FAM222B: variants seen among roughly 807,000 people sequenced by gnomAD.
FAM222B encodes protein FAM222B.
A neutral mutation model predicts 38.0 loss-of-function variants in FAM222B; 12 were observed. The ratio of observed to expected loss-of-function variants is 0.32; its 90% confidence interval spans 0.20 to 0.51. The LOEUF is 0.51. Among genes scored for constraint, FAM222B ranks in the 20% least tolerant of loss-of-function variants. FAM222B has a pLI of 0.97. For missense variants in FAM222B, 716 were observed against 754.2 expected (o/e 0.95, Z 0.59); for synonymous variants, 329 against 317.2 (o/e 1.04, Z -0.40).
At chr17:28,835,995 TA>T (rs1195607633) in intron 1 of FAM222B, among the ~76,000 whole-genome samples, 15 of 146,612 alleles carry the variant, frequency 1.0e-4, no homozygotes. Flanking sequence ...TTATTTTTAT[TA>T]TATATTTTTT....
At chr17:28,773,979 CAAG>C (rs1355445812) in intron 1 of FAM222B, among the ~76,000 whole-genome samples, 2 of 151,996 alleles carry the variant, frequency 1.3e-5, no homozygotes, top group Non-Finnish European at 2.9e-5. Flanking sequence ...TGTGATGAAA[CAAG>C]AATGAAACAA....
chr17:28,762,380 C>G (rs1318517617), intron 2 of FAM222B, among the ~76,000 whole-genome samples: 1 of 152,152 alleles, frequency 6.6e-6, no homozygotes, highest in Admixed American at 6.5e-5. Context: ...GTAATCCTGG[C>G]ACTTTGGGAG....
chr17:28,787,981 C>T (rs981834867), intron 1 of FAM222B, among the ~76,000 whole-genome samples: 3 of 152,266 alleles, frequency 2.0e-5, no homozygotes, highest in Middle Eastern at 3.4e-3. Context: ...TGTGCCACCA[C>T]ACCCAGCTAA....
chr17:28,851,873 CA>C (rs35357029), intron 1 of FAM222B, among the ~76,000 whole-genome samples: 34,047 of 112,490 alleles, frequency 0.3, 4,514 homozygotes, highest in African/African-American at 0.41. Flanking sequence ...GACTCCATCT[CA>C]AAAAAAAAAA....
At chr17:28,780,115 G>A (rs764733688) in intron 1 of FAM222B, among the ~76,000 whole-genome samples, 4 of 151,930 alleles carry the variant, frequency 2.6e-5, no homozygotes, top group Non-Finnish European at 4.4e-5. Context: ...GGGACTATAG[G>A]TGCATGCCAC....
At chr17:28,829,553 A>G (rs767853465) in intron 1 of FAM222B, among the ~76,000 whole-genome samples, 17 of 152,316 alleles carry the variant, frequency 1.1e-4, no homozygotes, top group Non-Finnish European at 1.8e-4. Context: ...CCAGAACATC[A>G]TACAAATGCA....
At chr17:28,848,708 A>G (rs934355873) in intron 1 of FAM222B, among the ~76,000 whole-genome samples, 3 of 151,976 alleles carry the variant, frequency 2.0e-5, no homozygotes, top group Non-Finnish European at 4.4e-5. Flanking sequence ...CAGTGAGCCA[A>G]GATCGGGCCA....
chr17:28,853,594 C>G (rs2039198643), intron 1 of FAM222B, among the ~76,000 whole-genome samples: 1 of 152,064 alleles, frequency 6.6e-6, no homozygotes, highest in Admixed American at 6.6e-5. Flanking sequence ...AGTTGTTATA[C>G]TGTATTGTGT....
At chr17:28,779,714 G>A (rs557234950) in intron 1 of FAM222B, among the ~76,000 whole-genome samples, 15 of 151,714 alleles carry the variant, frequency 9.9e-5, no homozygotes, top group Admixed American at 1.3e-4. Flanking sequence ...TTGCGCCACT[G>A]CTCTCTGGCC....
intron 1 of FAM222B, 68 bp downstream of exon 1, chr17:28,842,614 G>A (rs1439469567): frequency 6.6e-6 from 1 of 152,416 alleles, no homozygotes; most frequent in Non-Finnish European, 1.5e-5. Context: ...ACCCCACAAA[G>A]TCATGTATCC....
intron 1 of FAM222B, among the ~76,000 whole-genome samples, chr17:28,772,495 C>T (rs541134184): frequency 3.6e-5 from 5 of 140,604 alleles, no homozygotes; most frequent in East Asian, 4.2e-4. Context: ...GAGGCCGAGG[C>T]GGGCGGATCA....
chr17:28,841,306 AAATAT>A lies in FAM222B; in HGVS notation c.-41+1371_-41+1375del, dbSNP rs1211407410. Among the ~76,000 whole-genome samples the A allele has an allele frequency of 9.8e-5, 15 of 152,318 alleles. No individual in the cohort carries two copies. In the East Asian group the frequency reaches 2.7e-3, roughly 27 times the overall value. ...GAGACTCCGTCTCAAAAATAAAATA[AAATAT>A]AATAAACAAATTATATTTTCACATC... On this transcript the variant is annotated intron_variant, in intron 1 of 2. Transcript: ENST00000581407.
At chr17:28,764,377 G>A (rs564174177) in intron 2 of FAM222B, among the ~76,000 whole-genome samples, 67 of 152,126 alleles carry the variant, frequency 4.4e-4, no homozygotes, top group African/African-American at 1.5e-3. Flanking sequence ...GGGAGGCGGA[G>A]GTTGCAGTGA....
At chr17:28,776,963 A>G (rs1045302034) in intron 1 of FAM222B, 2 of 152,208 alleles carry the variant, frequency 1.3e-5, no homozygotes, top group Non-Finnish European at 2.9e-5. Flanking sequence ...GGTCTGTTAC[A>G]ATGAAACAAT....
chr17:28,851,117 T>TCAAAACAAAA (rs927515246), intron 1 of FAM222B, among the ~76,000 whole-genome samples: 1 of 149,596 alleles, frequency 6.7e-6, no homozygotes, highest in Non-Finnish European at 1.5e-5. Context: ...AGACTCCATC[T>TCAAAACAAAA]CAAAACAAAA....
chr17:28,799,844 G>C (rs930144238), intron 1 of FAM222B, among the ~76,000 whole-genome samples: 2 of 152,120 alleles, frequency 1.3e-5, no homozygotes, highest in Non-Finnish European at 2.9e-5. Flanking sequence ...CTAGGCTCAG[G>C]AGATCCTCCT....
intron 1 of FAM222B, among the ~76,000 whole-genome samples, chr17:28,798,289 A>G (rs1159159749): frequency 6.6e-6 from 1 of 151,818 alleles, no homozygotes; most frequent in Non-Finnish European, 1.5e-5. Flanking sequence ...GGCTAAGGTC[A>G]GAGAATCACC....
chr17:28,832,506 T>G (rs2038701981), intron 1 of FAM222B, among the ~76,000 whole-genome samples: 2 of 152,336 alleles, frequency 1.3e-5, no homozygotes, highest in South Asian at 2.1e-4. Context: ...ACTCTTCACC[T>G]AAATCGTACA....
At chr17:28,823,444 A>G (rs531542687) in intron 1 of FAM222B, among the ~76,000 whole-genome samples, 3 of 151,948 alleles carry the variant, frequency 2.0e-5, no homozygotes, top group African/African-American at 7.2e-5. Context: ...CAGTGGCACA[A>G]TCACCACTTA....
Sources: allele counts gnomAD v4.1 joint callset (sites outside exome capture counted in the v4.1 genomes callset), GRCh38; gene constraint gnomAD v4.1.1; transcripts MANE v1.5; gene names NCBI Gene and HGNC (gene_info 2026-07-23, HGNC 2026-07-21).